Variants in FAM135B observed in about 807,000 individuals in gnomAD.
The protein encoded by FAM135B is family with sequence similarity 135 member B.
In FAM135B, 43 loss-of-function variants were observed where a neutral mutation model predicts 127.7. The ratio of observed to expected loss-of-function variants is 0.34; its 90% confidence interval spans 0.26 to 0.43. The LOEUF (loss-of-function observed/expected upper bound fraction) is 0.43. Among genes scored for constraint, FAM135B ranks in the 20% least tolerant of loss-of-function variants. FAM135B has a pLI of 1.00. For missense variants in FAM135B, 1,558 were observed against 1,725.6 expected, an observed-to-expected ratio of 0.90 and a Z score of 1.72; for synonymous variants, 670 against 665.1, an observed-to-expected ratio of 1.01 and a Z score of -0.11.
At chr8:138,144,969 T>C (rs1817533930) in intron 15 of FAM135B, among the ~76,000 whole-genome samples, 1 of 152,194 alleles carries the variant, frequency 6.6e-6, no homozygotes, top group South Asian at 2.1e-4. Context: ...TGCTCCCTCC[T>C]CTGACTGGCC....
rs914727602 is a variant in FAM135B at position 138,228,143 on chromosome 8, G to A, written c.669+14799C>T. Among the ~76,000 whole-genome samples the A allele has an allele frequency of 5.9e-5, 9 of 152,090 alleles. No individual in the cohort carries two copies. The East Asian group carries it at 1.5e-3, about 26-fold the overall frequency. On this transcript the variant is annotated intron_variant, in intron 7 of 19. Coordinates refer to ENST00000395297, the MANE Select transcript of FAM135B (RefSeq NM_015912.4). ...GTTAAATGATGAAATCAAGGACTAG[G>A]GTGACTAGGACTAAATTTGGACCTA...
At chr8:138,213,372 G>T (rs533950197) in intron 7 of FAM135B, among the ~76,000 whole-genome samples, 2 of 152,086 alleles carry the variant, frequency 1.3e-5, no homozygotes, top group Non-Finnish European at 2.9e-5. Flanking sequence ...TATTAATATC[G>T]TTATAATGCC....
At chr8:138,273,524 C>T (rs1823556366) in intron 3 of FAM135B, among the ~76,000 whole-genome samples, 1 of 152,138 alleles carries the variant, frequency 6.6e-6, no homozygotes, top group Non-Finnish European at 1.5e-5. Flanking sequence ...TTTAATTACC[C>T]TTTGACACTA....
rs751330304 is a variant in FAM135B, at chr8:138,152,665, C to T, written c.1810G>A (p.Ala604Thr). ...AGAGTTGTTTTGTCTGAAGAGATGG[C>T]ATTTTGGTGGCTTCCACCTACTACC... is the stretch of plus-strand genomic sequence containing the variant. ...KVVVGGSHQN[A>T]ISSDKTTLHE... Residue 604 changes from alanine to threonine, a missense_variant, in exon 13 of 20, where the codon GCC becomes ACC. Physicochemically the swap from Ala to Thr is moderately conservative, Grantham distance 58. This residue lies in a region of FAM135B where 923 missense variants were observed against 865.3 expected (regional missense o/e 1.07). Transcript: ENST00000395297. The T allele has an allele frequency of 6.2e-7, 1 of 1,614,176 alleles. No homozygotes were observed. The highest frequency in any genetic ancestry group is 8.5e-7 in the Non-Finnish European group (1 of 1,180,032).
At chr8:138,452,123 G>GAT (rs1836520477) in intron 1 of FAM135B, among the ~76,000 whole-genome samples, 1 of 133,568 alleles carries the variant, frequency 7.5e-6, no homozygotes, top group Non-Finnish European at 1.6e-5. Flanking sequence ...CACCCAATCT[G>GAT]CTTTTTTTTT....
chr8:138,203,511 G>A lies in FAM135B; in HGVS notation c.670-5842C>T, dbSNP rs76839727. 1.2e-3 allele frequency among the ~76,000 whole-genome samples: 180 copies of A among 152,186 alleles called. No homozygotes were observed. In the East Asian group the frequency reaches 0.021, roughly 18 times the overall value. On this transcript the variant is annotated intron_variant, in intron 7 of 19. Coordinates refer to ENST00000395297, the MANE Select transcript of FAM135B (RefSeq NM_015912.4). ...GAATTATTAAACATATCCATCTAAC[G>A]TGTCTTGCTGTTCTGATCTTACCTT...
chr8:138,325,784 T>G (rs1227884204), intron 2 of FAM135B, among the ~76,000 whole-genome samples: 1 of 152,194 alleles, frequency 6.6e-6, no homozygotes, highest in Non-Finnish European at 1.5e-5. Context: ...CTAATGGTGC[T>G]TTTTGTGTCA....
chr8:138,364,279 C>T (rs936200730), intron 2 of FAM135B, among the ~76,000 whole-genome samples: 1 of 152,156 alleles, frequency 6.6e-6, no homozygotes, highest in Admixed American at 6.5e-5. Flanking sequence ...AATGCAGAAT[C>T]CTGGTTGGCA....
intron 3 of FAM135B, among the ~76,000 whole-genome samples, 178 bp from the exon 4 acceptor site, chr8:138,266,020 A>G (rs7818054): frequency 1 from 152,142 of 152,308 alleles, 75,988 homozygotes; most frequent in Middle Eastern, 1. Context: ...TTATTGAGTC[A>G]GGCTGGTATC....
Position 138,151,795 on chromosome 8 carries a change from T to C in FAM135B, c.2680A>G (p.Arg894Gly). 6.2e-7 allele frequency: 1 copy of C among 1,614,158 alleles called. No individual in the cohort carries two copies. The highest frequency in any genetic ancestry group is 8.5e-7 in the Non-Finnish European group (1 of 1,180,024). Residue 894 changes from arginine (R) to glycine (G), a missense_variant, in exon 13 of 20, where the codon AGA becomes GGA. Transcript: ENST00000395297. ...TCCTCAAGTGCTCTATGAAGAGATC[T>C]GGTCCTGGGGTTTTCAAGTGCTATG... ...RVIALENPRT[R>G]SLHRALEETP...
chr8:138,259,740 T>C (rs1201652284), intron 4 of FAM135B, among the ~76,000 whole-genome samples: 3 of 152,134 alleles, frequency 2.0e-5, no homozygotes, highest in Non-Finnish European at 2.9e-5. Flanking sequence ...TGTATCCTCA[T>C]CTGTAAAACA....
At chr8:138,290,033 C>T (rs146350048) in intron 3 of FAM135B, among the ~76,000 whole-genome samples, 22 of 152,310 alleles carry the variant, frequency 1.4e-4, no homozygotes, top group African/African-American at 5.1e-4. Flanking sequence ...GTCAGGAAGA[C>T]ATTCTCCAGA....
At chr8:138,354,485 C>T (rs1829964529) in intron 2 of FAM135B, among the ~76,000 whole-genome samples, 1 of 152,106 alleles carries the variant, frequency 6.6e-6, no homozygotes, top group South Asian at 2.1e-4. Context: ...AGTAACCCAT[C>T]CTGATACCTC....
chr8:138,150,542 C>T (rs1453099419), intron 13 of FAM135B, among the ~76,000 whole-genome samples: 1 of 152,094 alleles, frequency 6.6e-6, no homozygotes. Context: ...GTGGTGGGTG[C>T]CTGTAGTCCC....
At chr8:138,302,772 G>T (rs960770256) in intron 3 of FAM135B, among the ~76,000 whole-genome samples, 16 of 152,192 alleles carry the variant, frequency 1.1e-4, no homozygotes, top group Non-Finnish European at 1.5e-5. Context: ...CCACACCCTG[G>T]TCTTTGGGCC....
intron 3 of FAM135B, among the ~76,000 whole-genome samples, chr8:138,274,747 G>A (rs1203418507): frequency 6.6e-6 from 1 of 152,126 alleles, no homozygotes; most frequent in Non-Finnish European, 1.5e-5. Flanking sequence ...GTTCCATGCT[G>A]AGAAAAAGAA....
chr8:138,455,463 A>G (rs1836722696), intron 1 of FAM135B, among the ~76,000 whole-genome samples: 2 of 152,224 alleles, frequency 1.3e-5, no homozygotes, highest in South Asian at 4.1e-4. Context: ...ATAAACAATA[A>G]CAATATCATA....
At chr8:138,382,882 G>T (rs899727169) in intron 1 of FAM135B, among the ~76,000 whole-genome samples, 1 of 152,154 alleles carries the variant, frequency 6.6e-6, no homozygotes, top group Non-Finnish European at 1.5e-5. Flanking sequence ...CTGTCCTGCA[G>T]GCATAATCTT....
chr8:138,277,822 A>C (rs984446105), intron 3 of FAM135B, among the ~76,000 whole-genome samples: 1 of 152,208 alleles, frequency 6.6e-6, no homozygotes, highest in African/African-American at 2.4e-5. Context: ...GATGCTGTCC[A>C]TCTCTTCCAT....
Sources: gnomAD v4.1 joint callset for allele counts (sites outside exome capture counted in the v4.1 genomes callset) on GRCh38, gnomAD v4.1.1 for gene constraint, gnomAD v4.1.1 regional missense constraint, MANE v1.5 for transcripts, NCBI Gene and HGNC (gene_info 2026-07-23, HGNC 2026-07-21) for gene names.